The following ATP11B variants were observed in gnomAD, a reference collection of about 807,000 sequenced individuals.
ATP11B encodes the protein ATPase phospholipid transporting 11B (putative).
Under a neutral mutation model 157.8 loss-of-function variants are expected in ATP11B, and 81 were observed. The ratio of observed to expected loss-of-function variants is 0.51; its 90% CI spans 0.43 to 0.62. The LOEUF (loss-of-function observed/expected upper bound fraction) is 0.62. Ranked by LOEUF, ATP11B falls within the 20% of genes least tolerant of loss-of-function variation. ATP11B has a pLI of 0.00. For synonymous variants in ATP11B, 451 were observed against 469.4 expected, an observed-to-expected ratio of 0.96 and a Z score of 0.51; for missense variants, 1,165 against 1,402.2, an observed-to-expected ratio of 0.83 and a Z score of 2.70.
At chr3:182,897,039 T>C (rs1723597654) in intron 26 of ATP11B, among the ~76,000 whole-genome samples, 1 of 152,150 alleles carries the variant, frequency 6.6e-6, no homozygotes, top group Non-Finnish European at 1.5e-5. Context: ...GCGTAATTTG[T>C]TTTAGGCCAT....
At chr3:182,863,143 A>G (rs756129890) in intron 12 of ATP11B, among the ~76,000 whole-genome samples, 175 of 151,942 alleles carry the variant, frequency 1.2e-3, no homozygotes, top group Non-Finnish European at 1.7e-3. Context: ...TGACCTCGTG[A>G]TCCACCCGCC....
At chr3:182,901,477 A>C (rs9866577) in intron 28 of ATP11B, among the ~76,000 whole-genome samples, 5,305 of 152,190 alleles carry the variant, frequency 0.035, 315 homozygotes, top group African/African-American at 0.12. Flanking sequence ...TTATTGATTT[A>C]GCATCCTTAA....
At chr3:182,818,789 G>A (rs1448617904) in intron 1 of ATP11B, among the ~76,000 whole-genome samples, 7 of 151,998 alleles carry the variant, frequency 4.6e-5, no homozygotes, top group Non-Finnish European at 1.0e-4. Context: ...TACTTACGTA[G>A]TAGGTTACTA....
In ATP11B at chr3:182,836,410, T is replaced by G; in HGVS notation, c.492T>G (p.Asp164Glu). The change falls in exon 6 of 30, where the codon GAT (aspartate) becomes GAG (glutamate). Residue 164 changes from aspartate (D) to glutamate (E), a missense_variant. Asp to Glu is a conservative substitution (Grantham distance 45). Around this residue, in one of 4 missense-constraint regions of ATP11B, gnomAD observed 737 missense variants for 930.5 expected, o/e 0.79. Coordinates refer to ENST00000323116, the MANE Select transcript of ATP11B (RefSeq NM_014616.3). The stretch of plus-strand genomic sequence containing the variant: ...CAGACTTGGTGCTTCTGTCCTCAGA[T>G]CGACTGGATGGTTCCTGTCACGTTA... ...FPADLVLLSS[D>E]RLDGSCHVTT... The G allele has an allele frequency of 6.2e-7, 1 of 1,613,954 alleles. No individual in the cohort carries two copies. Among genetic ancestry groups the G allele is most frequent in the Non-Finnish European group, 8.5e-7 (1 of 1,179,860 alleles).
chr3:182,811,527 A>C (rs1716666571), intron 1 of ATP11B, among the ~76,000 whole-genome samples: 1 of 152,164 alleles, frequency 6.6e-6, no homozygotes, highest in East Asian at 1.9e-4. Context: ...AAGTTCCTAG[A>C]AGTCCACCTT....
intron 17 of ATP11B, among the ~76,000 whole-genome samples, chr3:182,871,663 C>A (rs1315545774): frequency 6.6e-6 from 1 of 152,088 alleles, no homozygotes; most frequent in Non-Finnish European, 1.5e-5. Context: ...GAAGGTAGAA[C>A]CTGCAGCTGT....
chr3:182,900,065 G>A (rs369341236), intron 28 of ATP11B, among the ~76,000 whole-genome samples: 1 of 152,104 alleles, frequency 6.6e-6, no homozygotes, highest in African/African-American at 2.4e-5. Context: ...TAAACATTTG[G>A]TGATGTAAGT....
chr3:182,852,601 T>G (rs982759022), intron 10 of ATP11B, among the ~76,000 whole-genome samples: 18 of 152,220 alleles, frequency 1.2e-4, no homozygotes, highest in African/African-American at 4.3e-4. Context: ...TAAAAATGTC[T>G]CCACGCTAAA....
intron 22 of ATP11B, among the ~76,000 whole-genome samples, chr3:182,885,228 A>G (rs1294501396): frequency 6.6e-6 from 1 of 152,138 alleles, no homozygotes; most frequent in East Asian, 1.9e-4. Context: ...GTCTAGTGAA[A>G]TGTGTGAGCT....
intron 25 of ATP11B, among the ~76,000 whole-genome samples, chr3:182,895,841 G>A (rs1435741921): frequency 6.6e-6 from 1 of 152,124 alleles, no homozygotes; most frequent in Non-Finnish European, 1.5e-5. Context: ...TCTGACCCTT[G>A]TTCTGGCAGG....
chr3:182,908,196 C>CTTTTTTTTT (rs10716562), intron 28 of ATP11B, among the ~76,000 whole-genome samples: 8 of 70,722 alleles, frequency 1.1e-4, no homozygotes, highest in African/African-American at 2.9e-4. Context: ...TTATTATTTT[C>CTTTTTTTTT]TTTTTTTTTT....
intron 1 of ATP11B, among the ~76,000 whole-genome samples, chr3:182,812,764 C>T (rs1158639391): frequency 3.3e-5 from 5 of 152,172 alleles, no homozygotes; most frequent in Non-Finnish European, 7.3e-5. Flanking sequence ...TTTAAGTGTA[C>T]AGTTCTGTGG....
At chr3:182,822,026 G>A (rs538746429) in intron 2 of ATP11B, among the ~76,000 whole-genome samples, 1 of 151,958 alleles carries the variant, frequency 6.6e-6, no homozygotes, top group East Asian at 1.9e-4. Context: ...TCTCGTTTTG[G>A]ATGATGGTTC....
chr3:182,840,518 A>G (rs1374147683), intron 7 of ATP11B, among the ~76,000 whole-genome samples: 4 of 152,170 alleles, frequency 2.6e-5, no homozygotes, highest in Non-Finnish European at 4.4e-5. Context: ...CCACCTGGAT[A>G]TTTAGTAGAA....
chr3:182,862,765 G>A (rs1005408206), intron 12 of ATP11B, among the ~76,000 whole-genome samples: 1 of 150,878 alleles, frequency 6.6e-6, no homozygotes, highest in African/African-American at 2.4e-5. Context: ...CCAAACTTGT[G>A]TCAATCTTCC....
At chr3:182,848,288 T>C (rs1335833644) in intron 9 of ATP11B, among the ~76,000 whole-genome samples, 188 bp from the exon 10 acceptor site, 2 of 152,202 alleles carry the variant, frequency 1.3e-5, no homozygotes, top group African/African-American at 4.8e-5. Flanking sequence ...TTTAGCCAGT[T>C]GAGTGACTGG....
chr3:182,852,684 C>G (rs1422050803), intron 10 of ATP11B, among the ~76,000 whole-genome samples: 1 of 152,222 alleles, frequency 6.6e-6, no homozygotes, highest in African/African-American at 2.4e-5. Flanking sequence ...TTCACCCTTA[C>G]CCGTCTCCCG....
chr3:182,854,934 A>G (rs985083401), intron 10 of ATP11B, among the ~76,000 whole-genome samples: 1 of 152,138 alleles, frequency 6.6e-6, no homozygotes, highest in African/African-American at 2.4e-5. Context: ...ATCTAAATAA[A>G]TGGAACAATA....
intron 29 of ATP11B, chr3:182,914,745 A>G (rs1251076821): frequency 1.0e-6 from 1 of 985,296 alleles, no homozygotes; most frequent in Non-Finnish European, 1.2e-6. Flanking sequence ...CACCATTTAA[A>G]ATTCATTTAA....
Sources: allele counts gnomAD v4.1 joint callset (sites outside exome capture counted in the v4.1 genomes callset), GRCh38; gene constraint gnomAD v4.1.1; regional missense constraint gnomAD v4.1.1; transcripts MANE v1.5; gene names NCBI Gene and HGNC (gene_info 2026-07-23, HGNC 2026-07-21).